SORCS3: variants seen among roughly 807,000 people sequenced by gnomAD.
SORCS3 encodes sortilin related VPS10 domain containing receptor 3, also known as VPS10 domain-containing receptor SorCS3.
Under a neutral mutation model 146.3 loss-of-function variants are expected in SORCS3, and 57 were observed. The ratio of observed to expected loss-of-function variants is 0.39; its 90% confidence interval spans 0.31 to 0.49. The LOEUF (loss-of-function observed/expected upper bound fraction) is 0.49, where lower values mean the gene tolerates loss of function less well. Among genes scored for constraint, SORCS3 ranks in the 20% least tolerant of loss-of-function variants. The probability of loss-of-function intolerance (pLI) is 0.92; values close to 1 mark genes in which losing one functional copy is unlikely to be tolerated. For synonymous variants in SORCS3, 653 were observed against 618.5 expected, an observed-to-expected ratio of 1.06 and a Z score of -0.83; for missense variants, 1,341 against 1,575.5, an observed-to-expected ratio of 0.85 and a Z score of 2.52.
At chr10:104,661,032 A>C (rs1454640689) in intron 1 of SORCS3, among the ~76,000 whole-genome samples, 1 of 152,196 alleles carries the variant, frequency 6.6e-6, no homozygotes, top group Non-Finnish European at 1.5e-5. Flanking sequence ...ATATGACATA[A>C]AATTTGCCAT....
intron 1 of SORCS3, 128 bp from the exon 2 acceptor site, chr10:104,842,664 T>C (rs746067546): frequency 4.5e-5 from 30 of 662,288 alleles, no homozygotes; most frequent in Non-Finnish European, 7.3e-5. Context: ...CGCAACTCAA[T>C]GGATAAATAC....
intron 1 of SORCS3, among the ~76,000 whole-genome samples, chr10:104,789,423 A>G (rs2017472523): frequency 6.6e-6 from 1 of 152,148 alleles, no homozygotes; most frequent in Admixed American, 6.5e-5. Context: ...CTTAAAAGGC[A>G]TCTTGTCTCC....
intron 4 of SORCS3, among the ~76,000 whole-genome samples, chr10:105,016,639 T>C (rs1200673799): frequency 6.6e-6 from 1 of 152,060 alleles, no homozygotes; most frequent in Non-Finnish European, 1.5e-5. Context: ...GGTGATGACT[T>C]TTTTTTGTGT....
chr10:104,884,733 A>C (rs555499524), intron 2 of SORCS3, among the ~76,000 whole-genome samples: 1 of 152,286 alleles, frequency 6.6e-6, no homozygotes, highest in Admixed American at 6.5e-5. Context: ...CAAGGGAAAA[A>C]AAAAGACATT....
intron 3 of SORCS3, among the ~76,000 whole-genome samples, chr10:104,959,776 G>A (rs576694642): frequency 6.6e-6 from 1 of 152,142 alleles, no homozygotes; most frequent in Non-Finnish European, 1.5e-5. Context: ...GTCTTGAGCT[G>A]GGGGTAAAAG....
intron 3 of SORCS3, among the ~76,000 whole-genome samples, chr10:104,973,978 T>G (rs527660084): frequency 1.8e-3 from 274 of 152,244 alleles, no homozygotes; most frequent in Middle Eastern, 0.01. Context: ...AGGAGCAGGT[T>G]GTTCAGTTTC....
At chr10:104,758,067 G>A (rs2017076449) in intron 1 of SORCS3, among the ~76,000 whole-genome samples, 1 of 152,120 alleles carries the variant, frequency 6.6e-6, no homozygotes, top group Non-Finnish European at 1.5e-5. Flanking sequence ...AGATCCTTTG[G>A]GAGCCTCCAC....
At chr10:105,252,149 G>A (rs2056903084) in intron 22 of SORCS3, among the ~76,000 whole-genome samples, 1 of 151,920 alleles carries the variant, frequency 6.6e-6, no homozygotes, top group African/African-American at 2.4e-5. Context: ...CATGTCTTTA[G>A]AACAAACTCA....
intron 22 of SORCS3, 148 bp from the exon 23 acceptor site, chr10:105,252,627 A>C: frequency 8.0e-6 from 7 of 872,746 alleles, no homozygotes; most frequent in Non-Finnish European, 1.2e-5. Context: ...AACTGAAAGA[A>C]AGCCTGAATG....
intron 1 of SORCS3, among the ~76,000 whole-genome samples, chr10:104,791,858 G>C (rs528882666): frequency 6.6e-6 from 1 of 152,184 alleles, no homozygotes; most frequent in African/African-American, 2.4e-5. Context: ...GAATGAAGAG[G>C]GTTCATTCTC....
intron 1 of SORCS3, among the ~76,000 whole-genome samples, chr10:104,699,585 A>G (rs546314129): frequency 1.6e-4 from 24 of 152,098 alleles, no homozygotes; most frequent in South Asian, 4.1e-4. Context: ...TTAGAAAACT[A>G]CCTTTGGAGA....
At chr10:104,937,381 G>T (rs2019270818) in intron 3 of SORCS3, among the ~76,000 whole-genome samples, 1 of 152,220 alleles carries the variant, frequency 6.6e-6, no homozygotes, top group South Asian at 2.1e-4. Context: ...AAATTAAGCA[G>T]ATTCTAGAAA....
intron 1 of SORCS3, among the ~76,000 whole-genome samples, chr10:104,747,149 CTG>C (rs1347323509): frequency 6.6e-6 from 1 of 152,182 alleles, no homozygotes; most frequent in Non-Finnish European, 1.5e-5. Context: ...GTCCATTGTT[CTG>C]TGGTCAGTCT....
chr10:104,995,393 C>T (rs113602308), intron 4 of SORCS3, among the ~76,000 whole-genome samples: 8,145 of 152,138 alleles, frequency 0.054, 252 homozygotes, highest in Middle Eastern at 0.082. Flanking sequence ...CTCCTGACTT[C>T]GTGATCTGCA....
intron 13 of SORCS3, among the ~76,000 whole-genome samples, chr10:105,175,328 G>C (rs2056392751): frequency 6.6e-6 from 1 of 151,258 alleles, no homozygotes; most frequent in South Asian, 2.1e-4. Flanking sequence ...CTAAAGTGCT[G>C]GGATTACAGG....
At chr10:104,659,046 A>C (rs1291248112) in intron 1 of SORCS3, among the ~76,000 whole-genome samples, 1 of 152,218 alleles carries the variant, frequency 6.6e-6, no homozygotes, top group East Asian at 1.9e-4. Flanking sequence ...ATTATAAACT[A>C]TAAATGTACA....
At chr10:105,028,311 T>C (rs2055243822) in intron 4 of SORCS3, among the ~76,000 whole-genome samples, 1 of 152,208 alleles carries the variant, frequency 6.6e-6, no homozygotes, top group Non-Finnish European at 1.5e-5. Context: ...AATGATTAAA[T>C]GGTTGAACAA....
intron 13 of SORCS3, among the ~76,000 whole-genome samples, 169 bp downstream of exon 13, chr10:105,167,518 A>C (rs1335898290): frequency 6.6e-6 from 1 of 152,126 alleles, no homozygotes; most frequent in Non-Finnish European, 1.5e-5. Context: ...CATAAGCAGC[A>C]ATAGTAGGCC....
chr10:104,894,438 A>G (rs886929078), intron 2 of SORCS3, among the ~76,000 whole-genome samples: 2 of 152,184 alleles, frequency 1.3e-5, no homozygotes, highest in Non-Finnish European at 2.9e-5. Context: ...AAGGCTCTTG[A>G]GCTGGAAAAT....
Sources: gnomAD v4.1 joint callset for allele counts (sites outside exome capture counted in the v4.1 genomes callset) on GRCh38, gnomAD v4.1.1 for gene constraint, MANE v1.5 for transcripts, NCBI Gene and HGNC (gene_info 2026-07-23, HGNC 2026-07-21) for gene names.